The following ABCB6 variants were observed in gnomAD, a reference collection of about 807,000 sequenced individuals.
The protein encoded by ABCB6 is ATP-binding cassette sub-family B member 6.
Under a neutral mutation model 99.4 loss-of-function variants are expected in ABCB6, and 87 were observed. That is an observed-to-expected ratio of 0.88 (90% confidence interval 0.74 to 1.05). The LOEUF (loss-of-function observed/expected upper bound fraction) is 1.05, where lower values mean the gene tolerates loss of function less well. Among genes scored for constraint, ABCB6 ranks in the 50% least tolerant of loss-of-function variants. The probability of loss-of-function intolerance (pLI) is 0.00; values close to 1 mark genes in which losing one functional copy is unlikely to be tolerated. For synonymous variants in ABCB6, 482 were observed against 447.5 expected (o/e 1.08, Z -0.97); for missense variants, 1,050 against 1,097.9 (o/e 0.96, Z 0.62).
Position 219,210,705 on chromosome 2 carries a change from G to A in ABCB6, c.2256+6C>T, listed in dbSNP as rs760303897. 1.1e-5 allele frequency: 17 copies of A among 1,613,578 alleles called. No homozygotes were observed. The highest frequency in any genetic ancestry group is 5.5e-5 in the South Asian group (5 of 91,074). On this transcript the variant is annotated splice_donor_region_variant and intron_variant, in intron 16 of 18. Transcript: ENST00000265316. ...CAGGAAGGAGGGGAGGAGACCCAGGGCGCACCTCATCCAGCAGAATGATGC... is the reference window on the plus strand; with the variant it reads ...CAGGAAGGAGGGGAGGAGACCCAGGACGCACCTCATCCAGCAGAATGATGC...
chr2:219,217,952 C>T, intron 1 of ABCB6, 145 bp from the exon 2 acceptor site: 1 of 1,363,220 alleles, frequency 7.3e-7, no homozygotes, highest in African/African-American at 1.5e-5. Context: ...ACCACAGTGA[C>T]TCAGCAAAGA....
rs373632871 is a variant in ABCB6 at position 219,210,962 on chromosome 2, G to C, written c.2115C>G (p.Ile705Met). The change falls in exon 15 of 19, where the codon ATC becomes ATG. Residue 705 changes from isoleucine to methionine, a missense_variant. Physicochemically the swap from Ile to Met is conservative, Grantham distance 10. Coordinates refer to ENST00000265316, the MANE Select transcript of ABCB6 (RefSeq NM_005689.4). ...EVEAAAQAAG[I>M]HDAIMAFPEG... ...CAGGGAAAGCCATAATGGCATCATG[G>C]ATGCCTGCAGCCTGAGCAGCAGCCT... 6 of 1,614,054 alleles carry C rather than the reference G, an allele frequency of 3.7e-6. No homozygotes were observed. In the African/African-American group the frequency reaches 8.0e-5, roughly 22 times the overall value.
At position 219,216,797 on chromosome 2, in the gene ABCB6, A is replaced by G; in HGVS notation, c.723T>C (p.Asp241=). The G allele has an allele frequency of 6.2e-7, 1 of 1,612,946 alleles. No homozygotes were observed. Among genetic ancestry groups the G allele is most frequent in the Non-Finnish European group, 8.5e-7 (1 of 1,179,730 alleles). ...RSAAQQSTWR[D]FGRKLRLLSG... Reference sequence around the variant, plus strand: ...TCAGGAGGCGGAGCTTCCTGCCAAAATCTCGCCAGGTAGACTGTTGGGCTG... The same window carrying G: ...TCAGGAGGCGGAGCTTCCTGCCAAAGTCTCGCCAGGTAGACTGTTGGGCTG... Residue 241 remains aspartate (D), a synonymous_variant, in exon 3 of 19, where the codon GAT becomes GAC. Coordinates refer to ENST00000265316, the MANE Select transcript of ABCB6 (RefSeq NM_005689.4). The surrounding 1 kb of genome is among the most constrained non-coding windows in gnomAD (Gnocchi z 4.2).
rs1950566681 is a variant in ABCB6, at chr2:219,210,756, A to G, written c.2211T>C (p.Ile737=). The part of the protein sequence containing the change: ...LSGGEKQRVA[I]ARTILKAPGI... ...CCGGAGCCTTGAGGATGGTGCGGGC[A>G]ATGGCGACGCGCTGCTTCTCCCCGC... The change falls in exon 16 of 19, where the codon ATT becomes ATC. Residue 737 remains isoleucine (I), a synonymous_variant. Coordinates refer to ENST00000265316, the MANE Select transcript of ABCB6 (RefSeq NM_005689.4). The G allele has an allele frequency of 6.2e-7, 1 of 1,613,610 alleles. No individual in the cohort carries two copies. Among genetic ancestry groups the G allele is most frequent in the Admixed American group, 1.7e-5 (1 of 59,998 alleles).
At chr2:219,210,627 T>A in intron 16 of ABCB6, 84 bp downstream of exon 16, 1 of 1,600,964 alleles carries the variant, frequency 6.2e-7, no homozygotes, top group Non-Finnish European at 8.5e-7. Flanking sequence ...ATTCATGGTA[T>A]CTGTTCTAGG....
chr2:219,216,272 G>T lies in ABCB6; in HGVS notation c.970+92C>A. On this transcript the variant is annotated intron_variant, in intron 4 of 18. Coordinates refer to ENST00000265316, the MANE Select transcript of ABCB6 (RefSeq NM_005689.4). This position sits in a 1 kb window ranked among gnomAD's most constrained non-coding sequence, Gnocchi z 4.2. ...TGTGAAAGGTCTGAGAGTACATGGG[G>T]GCTGGGGAGGAATGCTGGGAGAGGC... 6.3e-7 allele frequency: 1 copy of T among 1,582,320 alleles called. No homozygotes were observed. Among genetic ancestry groups the T allele is most frequent in the East Asian group, 2.3e-5 (1 of 44,152 alleles).
intron 7 of ABCB6, 59 bp from the exon 8 acceptor site, chr2:219,214,245 TCCC>T (rs1156622470): frequency 1.2e-5 from 18 of 1,555,350 alleles, no homozygotes; most frequent in South Asian, 3.3e-5. Flanking sequence ...CTCGGGTCAT[TCCC>T]CCCAACTCTC....
At chr2:219,212,850 T>TC (rs528169714) in intron 13 of ABCB6, among the ~76,000 whole-genome samples, 158 bp downstream of exon 13, 90 of 152,240 alleles carry the variant, frequency 5.9e-4, no homozygotes, top group Middle Eastern at 3.4e-3. Context: ...AGGTTCCCTC[T>TC]CCAAGAGGTC....
At position 219,216,099 on chromosome 2, in the gene ABCB6, GAGA is replaced by G. The variant is rs751186706; in HGVS notation, c.1049_1051del (p.Phe350del). On this transcript the variant is annotated inframe_deletion, in exon 5 of 19. Coordinates refer to ENST00000265316, the MANE Select transcript of ABCB6 (RefSeq NM_005689.4). The surrounding 1 kb of genome is among the most constrained non-coding windows in gnomAD (Gnocchi z 4.2). ...GCGCAGTGAGAGCTCGTGCAGGTGG[GAGA>G]AGATGAGCAGCTCCACCCGCCGAGA... 3 of 1,585,646 alleles carry G rather than the reference GAGA, an allele frequency of 1.9e-6. No homozygotes were observed. Among genetic ancestry groups the G allele is most frequent in the African/African-American group, 1.3e-5 (1 of 74,562 alleles).
chr2:219,216,207 T>C lies in ABCB6; in HGVS notation c.971-27A>G. The C allele has an allele frequency of 6.4e-7, 1 of 1,574,236 alleles. No homozygotes were observed. The highest frequency in any genetic ancestry group is 1.3e-5 in the African/African-American group (1 of 74,324). On this transcript the variant is annotated intron_variant, in intron 4 of 18. Transcript: ENST00000265316. This position sits in a 1 kb window ranked among gnomAD's most constrained non-coding sequence, Gnocchi z 4.2. ...TGCAGGGAGCCGGGGGACGCCTCAGTAGGGCCTGGGAGCTGAGGGACGTCA... is the reference window on the plus strand; with the variant it reads ...TGCAGGGAGCCGGGGGACGCCTCAGCAGGGCCTGGGAGCTGAGGGACGTCA...
At position 219,210,443 on chromosome 2, in the gene ABCB6, C is replaced by T. The variant is rs1950562101; in HGVS notation, c.2289G>A (p.Arg763=). 1 of 1,614,184 alleles carries T rather than the reference C, an allele frequency of 6.2e-7. No homozygotes were observed. Among genetic ancestry groups the T allele is most frequent in the African/African-American group, 1.3e-5 (1 of 75,058 alleles). The change falls in exon 17 of 19, where the codon AGG becomes AGA. Residue 763 remains arginine, a synonymous_variant. Transcript: ENST00000265316. The stretch of plus-strand genomic sequence containing the variant: ...CTTTGGCCAGAGAAGCCTGGATGGC[C>T]CTCTCATTAGATGTATCCAGCGCTG... ...ATSALDTSNE[R]AIQASLAKVC... is the part of the protein sequence containing the mutation.
At position 219,216,524 on chromosome 2, in the gene ABCB6, T is replaced by C; in HGVS notation, c.869-59A>G. 5 of 1,575,322 alleles carry C rather than the reference T, an allele frequency of 3.2e-6. No individual in the cohort carries two copies. The South Asian group carries it at 4.5e-5, about 14-fold the overall frequency. On this transcript the variant is annotated intron_variant, in intron 3 of 18. Coordinates refer to ENST00000265316, the MANE Select transcript of ABCB6 (RefSeq NM_005689.4). The surrounding 1 kb of genome is among the most constrained non-coding windows in gnomAD (Gnocchi z 4.2). Reference sequence around the variant, plus strand: ...CGCCCAGGACTCTCTTCAGGCAAAATGGCCCCAGGTACCAGCCACAGTCTC... The same window carrying C: ...CGCCCAGGACTCTCTTCAGGCAAAACGGCCCCAGGTACCAGCCACAGTCTC...
In ABCB6 at chr2:219,214,479, A is replaced by C. The variant is rs780729151; in HGVS notation, c.1296T>G (p.Thr432=). 1 of 1,613,912 alleles carries C rather than the reference A, an allele frequency of 6.2e-7. No homozygotes were observed. The highest frequency in any genetic ancestry group is 1.7e-5 in the Admixed American group (1 of 60,018). The change falls in exon 7 of 19, where the codon ACT becomes ACG. Residue 432 remains threonine (T), a synonymous_variant. Transcript: ENST00000265316. ...SLYLTLTIVV[T]EWRTKFRRAM... is the part of the protein sequence containing the mutation. Reference sequence around the variant, plus strand: ...CACGACGAAACTTGGTTCTCCACTCAGTGACCACAATGGTCAGGGCTGGAG... The same window carrying C: ...CACGACGAAACTTGGTTCTCCACTCCGTGACCACAATGGTCAGGGCTGGAG...
rs59368460 is a variant in ABCB6, at chr2:219,214,808, G to T, written c.1276+153C>A. ...TAGGTTAAGGTTTGATTTGACAGAAGAGACCCGCCCATCACATGACGAGCA... is the reference window on the plus strand; with the variant it reads ...TAGGTTAAGGTTTGATTTGACAGAATAGACCCGCCCATCACATGACGAGCA... On this transcript the variant is annotated intron_variant, in intron 6 of 18. Transcript: ENST00000265316. 1,232 of 845,578 alleles carry T rather than the reference G, an allele frequency of 1.5e-3. 13 individuals carry two copies. The African/African-American group carries it at 0.019, about 13-fold the overall frequency. 52.4% of individuals were successfully genotyped at this position (845,578 alleles called of 1,614,324 possible).
intron 14 of ABCB6, among the ~76,000 whole-genome samples, chr2:219,211,430 G>A (rs1312590911): frequency 1.3e-5 from 2 of 151,684 alleles, no homozygotes; most frequent in African/African-American, 4.9e-5. Flanking sequence ...AGCTTCCTGA[G>A]TAGCTGAGAC....
chr2:219,218,034 C>T (rs1950667717), intron 1 of ABCB6, 91 bp downstream of exon 1: 3 of 1,479,500 alleles, frequency 2.0e-6, no homozygotes, highest in Non-Finnish European at 2.7e-6. Flanking sequence ...TTAGAGGCAT[C>T]CTAAAGCCTG....
rs1950563784 is a variant in ABCB6, at chr2:219,210,555, C to T, written c.2257-80G>A. On this transcript the variant is annotated intron_variant, in intron 16 of 18. Coordinates refer to ENST00000265316, the MANE Select transcript of ABCB6 (RefSeq NM_005689.4). The stretch of plus-strand genomic sequence containing the variant: ...GGAGGCAGGCTGCTGGCTGAGGCCT[C>T]AAGAATACACAAGAGCCTTGTTTGG... 15 of 1,586,900 alleles carry T rather than the reference C, an allele frequency of 9.5e-6. 1 individual carries two copies. The South Asian group carries it at 1.7e-4, about 18-fold the overall frequency.
intron 6 of ABCB6, 69 bp downstream of exon 6, chr2:219,214,892 G>A: frequency 1.9e-6 from 3 of 1,593,472 alleles, no homozygotes; most frequent in Non-Finnish European, 2.6e-6. Context: ...CACTTGAGTG[G>A]GGGCACAGCT....
At chr2:219,215,202 A>T (rs1950624467) in intron 5 of ABCB6, 120 bp from the exon 6 acceptor site, 2 of 1,294,374 alleles carry the variant, frequency 1.5e-6, no homozygotes, top group Non-Finnish European at 2.1e-6. Context: ...AGTCTTAATT[A>T]ATTCTACCCT....
Sources: allele counts gnomAD v4.1 joint callset (sites outside exome capture counted in the v4.1 genomes callset), GRCh38; gene constraint gnomAD v4.1.1; non-coding constraint Gnocchi (gnomAD v3.1); transcripts MANE v1.5; gene names NCBI Gene and HGNC (gene_info 2026-07-23, HGNC 2026-07-21).